MUC5AC: variants seen among roughly 807,000 people sequenced by gnomAD.
MUC5AC encodes the protein mucin 5AC, oligomeric mucus/gel-forming, also known as mucin-5AC.
In MUC5AC, 158 loss-of-function variants were observed where a neutral mutation model predicts 169.7. The observed-to-expected ratio is 0.93, with a 90% CI of 0.82 to 1.06. The LOEUF is 1.06. MUC5AC is among the 50% of genes least tolerant of loss of function. The probability of loss-of-function intolerance (pLI) is 0.00; values close to 1 mark genes in which losing one functional copy is unlikely to be tolerated. For missense variants in MUC5AC, 4,359 were observed against 3,089.9 expected, an observed-to-expected ratio of 1.41 and a Z score of -9.74; for synonymous variants, 1,975 against 1,237.0, an observed-to-expected ratio of 1.60 and a Z score of -12.52.
chr11:1,182,125 A>T, intron 30 of MUC5AC, 30 bp from the exon 31 acceptor site: 1 of 398,512 alleles, frequency 2.5e-6, no homozygotes, highest in Non-Finnish European at 4.4e-6. Context: ...CGGGCCTCTC[A>T]TGCTCAGCTG....
Position 1,183,337 on chromosome 11 carries a change from C to A in MUC5AC, c.5192C>A (p.Thr1731Lys). Residue 1731 changes from threonine to lysine, a missense_variant, in exon 31 of 49, where the codon ACA (threonine) becomes AAA (lysine). Transcript: ENST00000621226. ...GGTGGGCCCACAGCAACCAGCGTCA[C>A]ACAGGGCACCCACACCACACTAGTC... is the stretch of plus-strand genomic sequence containing the variant. ...SRGGPTATSV[T>K]QGTHTTLVTR... 1 of 496,144 alleles carries A rather than the reference C, an allele frequency of 2.0e-6. No homozygotes were observed. Among genetic ancestry groups the A allele is most frequent in the Non-Finnish European group, 3.4e-6 (1 of 293,618 alleles). 30.7% of individuals were successfully genotyped at this position (496,144 alleles called of 1,614,324 possible).
Position 1,198,262 on chromosome 11 carries a change from G to A in MUC5AC, c.16136-6G>A. The A allele has an allele frequency of 1.3e-6, 1 of 753,192 alleles. No homozygotes were observed. The highest frequency in any genetic ancestry group is 1.7e-5 in the African/African-American group (1 of 59,004). The allele number at this position is 753,192 out of a possible 1,614,324, so 46.7% of individuals were successfully genotyped here. ...GGGGTGCAGCTGCTTGTCTTCTCGT[G>A]GGCAGGCTGGACAGTGTGCAGCATC... On this transcript the variant is annotated splice_polypyrimidine_tract_variant and splice_region_variant and intron_variant, in intron 42 of 48. Transcript: ENST00000621226.
chr11:1,192,353 G>T lies in MUC5AC; in HGVS notation c.14208G>T (p.Val4736=). The stretch of plus-strand genomic sequence containing the variant: ...CCAGAGGCTGCCCGGTGACCTCTGT[G>T]ACCCCATATGGGACTTCTCCTACCA... ...ETPRGCPVTS[V]TPYGTSPTNA... Residue 4736 remains valine, a synonymous_variant, in exon 31 of 49, where the codon GTG becomes GTT. Transcript: ENST00000621226. 1.3e-6 allele frequency: 1 copy of T among 765,078 alleles called. No homozygotes were observed. Among genetic ancestry groups the T allele is most frequent in the Non-Finnish European group, 2.4e-6 (1 of 417,892 alleles). 47.4% of individuals were successfully genotyped at this position (765,078 alleles called of 1,614,324 possible).
At chr11:1,170,574 C>CACTCACCT (rs1860480173) in intron 15 of MUC5AC, among the ~76,000 whole-genome samples, 1 of 143,058 alleles carries the variant, frequency 7.0e-6, no homozygotes, top group South Asian at 2.3e-4. Context: ...CCCACTCACC[C>CACTCACCT]ACTCACCTAC....
At chr11:1,196,807 T>C in intron 39 of MUC5AC, 70 bp from the exon 40 acceptor site, 2 of 742,102 alleles carry the variant, frequency 2.7e-6, no homozygotes, top group South Asian at 2.8e-5. Context: ...CTGGCCCCAA[T>C]ATGGGACCCT....
rs772078299 is a variant in MUC5AC, at chr11:1,199,371, C to T, written c.16396C>T (p.Pro5466Ser). 1.4e-6 allele frequency: 1 copy of T among 712,920 alleles called. No individual in the cohort carries two copies. Among genetic ancestry groups the T allele is most frequent in the Non-Finnish European group, 2.6e-6 (1 of 391,048 alleles). The allele number at this position is 712,920 out of a possible 1,614,324, so 44.2% of individuals were successfully genotyped here. Residue 5466 changes from proline to serine, a missense_variant and splice_region_variant, in exon 46 of 49, where the codon CCC becomes TCC. Coordinates refer to ENST00000621226, the MANE Select transcript of MUC5AC (RefSeq NM_001304359.2). ...TSKSPAHLFYPGETWSDAGNH... is the reference protein window; with the variant it reads ...TSKSPAHLFYSGETWSDAGNH... ...ACCCCGGGGCCTGGCCTCCCTCCAG[C>T]CCGGCGAGACCTGGTCAGACGCAGG... is the stretch of plus-strand genomic sequence containing the variant.
chr11:1,162,894 G>C, intron 5 of MUC5AC, 61 bp from the exon 6 acceptor site: 1 of 1,506,516 alleles, frequency 6.6e-7, no homozygotes, highest in Non-Finnish European at 9.2e-7. Context: ...TCTCAGGCTC[G>C]AGCCTCATCT....
At chr11:1,196,750 G>A (rs1387045660) in intron 39 of MUC5AC, 30 bp downstream of exon 39, 1 of 738,094 alleles carries the variant, frequency 1.4e-6, no homozygotes. Flanking sequence ...GCTGGGGGGT[G>A]TGGCAGGACT....
chr11:1,170,464 CTCACCCAT>C (rs1860475327), intron 15 of MUC5AC, among the ~76,000 whole-genome samples: 1 of 136,602 alleles, frequency 7.3e-6, no homozygotes, highest in African/African-American at 2.8e-5. Context: ...CACTCACCGA[CTCACCCAT>C]TCACCCACTC....
In MUC5AC at chr11:1,164,218, C is replaced by T; in HGVS notation, c.902C>T (p.Thr301Ile). 1 of 1,612,662 alleles carries T rather than the reference C, an allele frequency of 6.2e-7. No homozygotes were observed. The highest frequency in any genetic ancestry group is 1.7e-5 in the Admixed American group (1 of 60,026). ...CAAGACCTCTGCTTCTGTGAAGACA[C>T]CGACCTGCTCAGCTGCGTCTGCCAC... ...CRQDLCFCED[T>I]DLLSCVCHTL... Residue 301 changes from threonine to isoleucine, a missense_variant, in exon 8 of 49, where the codon ACC becomes ATC. By Grantham distance (89) the Thr-to-Ile change is moderately conservative (BLOSUM62 -1). Transcript: ENST00000621226.
In MUC5AC at chr11:1,163,881, G is replaced by C; in HGVS notation, c.680-1G>C. The C allele has an allele frequency of 6.2e-7, 1 of 1,603,326 alleles. No individual in the cohort carries two copies. The highest frequency in any genetic ancestry group is 8.5e-7 in the Non-Finnish European group (1 of 1,175,870). On this transcript the variant is annotated splice_acceptor_variant, in intron 6 of 48. Coordinates refer to ENST00000621226, the MANE Select transcript of MUC5AC (RefSeq NM_001304359.2). LOFTEE classifies it high-confidence loss of function. ...AGAGCCCGCCTCTGTGCTTGCCGCAGACACCAAGCTGACACCCATGGAATT... is the reference window on the plus strand; with the variant it reads ...AGAGCCCGCCTCTGTGCTTGCCGCACACACCAAGCTGACACCCATGGAATT...
intron 5 of MUC5AC, 125 bp from the exon 6 acceptor site, chr11:1,162,830 T>C (rs752835996): frequency 4.2e-5 from 44 of 1,058,310 alleles, no homozygotes; most frequent in Non-Finnish European, 5.8e-5. Flanking sequence ...GCCCCCAGGA[T>C]GGAGACTGCT....
At chr11:1,169,480 T>G (rs1378478597) in intron 15 of MUC5AC, among the ~76,000 whole-genome samples, 2 of 90,806 alleles carry the variant, frequency 2.2e-5, no homozygotes, top group Non-Finnish European at 4.7e-5. Context: ...ACCCACTCAC[T>G]CACTCACCTC....
chr11:1,196,949 G>C (rs1861292863), intron 40 of MUC5AC, 41 bp downstream of exon 40: 1 of 751,178 alleles, frequency 1.3e-6, no homozygotes, highest in Non-Finnish European at 2.4e-6. Flanking sequence ...TGGGGTCCAA[G>C]AGCCCGAGGA....
intron 31 of MUC5AC, 114 bp downstream of exon 31, chr11:1,192,639 A>C (rs1861152462): frequency 1.4e-6 from 1 of 696,110 alleles, no homozygotes; most frequent in East Asian, 2.5e-5. Flanking sequence ...GCACAGGCTC[A>C]TTGTCACAGA....
chr11:1,165,581 C>A, intron 10 of MUC5AC, 41 bp from the exon 11 acceptor site: 1 of 1,608,378 alleles, frequency 6.2e-7, no homozygotes, highest in Non-Finnish European at 8.5e-7. Context: ...AGGCTGGTCT[C>A]CTGGGGCCGG....
Position 1,186,494 on chromosome 11 carries a change from C to CCCTACAACCAGCACAACTTTGTCT in MUC5AC, c.8367_8390dup (p.Leu2790_Thr2797dup), listed in dbSNP as rs1860950181. ...CTACTACAACCAGCACAATCTCTGC[C>CCCTACAACCAGCACAACTTTGTCT]CCTACAACCAGCACAACTTTGTCTC... On this transcript the variant is annotated inframe_insertion, in exon 31 of 49. Coordinates refer to ENST00000621226, the MANE Select transcript of MUC5AC (RefSeq NM_001304359.2). 2 of 692,902 alleles carry CCCTACAACCAGCACAACTTTGTCT rather than the reference C, an allele frequency of 2.9e-6. No individual in the cohort carries two copies. Among genetic ancestry groups the CCCTACAACCAGCACAACTTTGTCT allele is most frequent in the African/African-American group, 3.5e-5 (2 of 56,732 alleles). 42.9% of individuals were successfully genotyped at this position (692,902 alleles called of 1,614,324 possible). A position where few individuals can be genotyped will look rare whatever the true frequency, so the allele number is the denominator to read the frequency against.
At chr11:1,192,760 T>G (rs1861156267) in intron 31 of MUC5AC, 23 bp from the exon 32 acceptor site, 1 of 743,864 alleles carries the variant, frequency 1.3e-6, no homozygotes, top group Non-Finnish European at 2.5e-6. Flanking sequence ...CACTAAAGGC[T>G]GCCATGTCCC....
intron 19 of MUC5AC, 57 bp from the exon 20 acceptor site, chr11:1,176,092 CAT>C (rs1295276742): frequency 0.17 from 67,855 of 396,478 alleles, 6,487 homozygotes; most frequent in Non-Finnish European, 0.2. Context: ...TCCCTGAACA[CAT>C]GTTTGAGGCA....
Sources: allele counts gnomAD v4.1 joint callset (sites outside exome capture counted in the v4.1 genomes callset), GRCh38; gene constraint gnomAD v4.1.1; transcripts MANE v1.5; gene names NCBI Gene and HGNC (gene_info 2026-07-23, HGNC 2026-07-21).